KIF6: variants seen among roughly 807,000 people sequenced by gnomAD.
The protein encoded by KIF6 is kinesin family member 6, also known as kinesin-like protein KIF6.
In KIF6, 106 loss-of-function variants were observed where a neutral mutation model predicts 112.7. The ratio of observed to expected loss-of-function variants is 0.94; its 90% CI spans 0.80 to 1.11. KIF6 has a LOEUF of 1.11. Ranked by LOEUF, KIF6 falls within the 50% of genes least tolerant of loss-of-function variation. KIF6 has a pLI of 0.00. For synonymous variants in KIF6, 339 were observed against 339.9 expected, an observed-to-expected ratio of 1.00 and a Z score of 0.03; for missense variants, 929 against 964.0, an observed-to-expected ratio of 0.96 and a Z score of 0.48.
chr6:39,573,460 C>T (rs951639397), intron 10 of KIF6, among the ~76,000 whole-genome samples: 2 of 152,186 alleles, frequency 1.3e-5, no homozygotes, highest in African/African-American at 4.8e-5. Flanking sequence ...AACAATTTAA[C>T]ATAAACAATA....
At chr6:39,443,154 AATAAT>A (rs1562221497) in intron 13 of KIF6, among the ~76,000 whole-genome samples, 4 of 112,970 alleles carry the variant, frequency 3.5e-5, no homozygotes, top group Admixed American at 2.0e-4. Context: ...TAATAATAAT[AATAAT>A]AAATAAAAAT....
At chr6:39,552,064 C>G (rs948952926) in intron 10 of KIF6, among the ~76,000 whole-genome samples, 1 of 152,220 alleles carries the variant, frequency 6.6e-6, no homozygotes, top group African/African-American at 2.4e-5. Context: ...GATCTGCATA[C>G]ACACTAATGT....
chr6:39,409,851 G>T (rs1769355909), intron 15 of KIF6, among the ~76,000 whole-genome samples: 2 of 152,186 alleles, frequency 1.3e-5, no homozygotes, highest in East Asian at 1.9e-4. Flanking sequence ...CAAACCTTCT[G>T]CTATTTGCAG....
intron 7 of KIF6, among the ~76,000 whole-genome samples, chr6:39,594,821 T>G (rs1425817299): frequency 6.6e-6 from 1 of 152,210 alleles, no homozygotes; most frequent in African/African-American, 2.4e-5. Flanking sequence ...CTCCAATTTT[T>G]GATCATGTTT....
At chr6:39,546,128 T>G (rs770965684) in intron 10 of KIF6, among the ~76,000 whole-genome samples, 1 of 152,196 alleles carries the variant, frequency 6.6e-6, no homozygotes, top group Non-Finnish European at 1.5e-5. Context: ...TTCTTCACAG[T>G]GCCTATTCCA....
intron 20 of KIF6, among the ~76,000 whole-genome samples, chr6:39,346,096 T>C (rs1581632168): frequency 5.1e-3 from 27 of 5,340 alleles, no homozygotes; most frequent in East Asian, 0.018. Context: ...CCCCCCCCTC[T>C]CCCTCCCCCC....
At chr6:39,577,782 T>C (rs1472449894) in intron 10 of KIF6, among the ~76,000 whole-genome samples, 3 of 152,234 alleles carry the variant, frequency 2.0e-5, no homozygotes, top group Admixed American at 1.3e-4. Context: ...ATGACTATTA[T>C]ACAATTCCTT....
intron 7 of KIF6, among the ~76,000 whole-genome samples, chr6:39,590,233 G>T (rs1781858224): frequency 6.6e-6 from 1 of 152,028 alleles, no homozygotes; most frequent in South Asian, 2.1e-4. Context: ...AGACAGTGTG[G>T]CATTATTGCT....
At chr6:39,347,570 C>T (rs1279000704) in intron 19 of KIF6, among the ~76,000 whole-genome samples, 1 of 152,228 alleles carries the variant, frequency 6.6e-6, no homozygotes, top group Non-Finnish European at 1.5e-5. Context: ...AGATCTTCCT[C>T]GCTTCCTGCC....
rs972906360 is a variant in KIF6 at position 39,620,549 on chromosome 6, T to A, written c.510-7231A>T. ...TATTTTCATTTTAACATTCAGTTTA[T>A]TATTTTTCCAACTATAAGCATAATA... On this transcript the variant is annotated intron_variant, in intron 5 of 22. Transcript: ENST00000287152. The A allele has an allele frequency of 3.3e-5, 5 of 152,176 alleles. 1 individual carries two copies. The highest frequency in any genetic ancestry group is 6.5e-5 in the Admixed American group (1 of 15,278). The allele number at this position is 152,176 out of a possible 1,614,324, so 9.4% of individuals were successfully genotyped here.
intron 18 of KIF6, among the ~76,000 whole-genome samples, chr6:39,359,120 T>C (rs1460764036): frequency 1.3e-5 from 2 of 152,242 alleles, no homozygotes; most frequent in Admixed American, 1.3e-4. Flanking sequence ...ATTGCTTGGC[T>C]ATGTCCTTGG....
At position 39,573,765 on chromosome 6, in the gene KIF6, G is replaced by A. The variant is rs150926603; in HGVS notation, c.1181+4291C>T. On this transcript the variant is annotated intron_variant, in intron 10 of 22. Transcript: ENST00000287152. ...TAATTATTGATATCTCTGCATTCTCGTTGTATTTTGTTTATATCTTCTCAT... is the reference window on the plus strand; with the variant it reads ...TAATTATTGATATCTCTGCATTCTCATTGTATTTTGTTTATATCTTCTCAT... Among the ~76,000 whole-genome samples the A allele has an allele frequency of 3.3e-3, 495 of 152,170 alleles. 2 individuals carry two copies. The highest frequency in any genetic ancestry group is 0.011 in the African/African-American group (449 of 41,520).
intron 3 of KIF6, among the ~76,000 whole-genome samples, chr6:39,666,540 T>C (rs754252485): frequency 2.0e-5 from 3 of 152,208 alleles, no homozygotes; most frequent in Non-Finnish European, 4.4e-5. Flanking sequence ...ACGTAAGAAC[T>C]CTATCTTCTT....
intron 13 of KIF6, among the ~76,000 whole-genome samples, chr6:39,453,271 G>A (rs867873185): frequency 2.6e-5 from 4 of 152,154 alleles, no homozygotes; most frequent in South Asian, 2.1e-4. Context: ...TTTATTCTCC[G>A]ATGTCTGGGG....
chr6:39,465,142 G>T (rs140100098), intron 13 of KIF6, among the ~76,000 whole-genome samples: 1 of 152,128 alleles, frequency 6.6e-6, no homozygotes, highest in African/African-American at 2.4e-5. Context: ...TTCGGTAGGC[G>T]GGCGGGGATA....
At chr6:39,572,605 G>A (rs568837112) in intron 10 of KIF6, among the ~76,000 whole-genome samples, 92 of 149,524 alleles carry the variant, frequency 6.2e-4, no homozygotes, top group African/African-American at 2.1e-3. Context: ...TATTTGACTC[G>A]CTTAGATTTG....
At chr6:39,337,155 T>TTTTCCTTCCTTCCTTCCTTCCTTTC (rs1554195029) in intron 22 of KIF6, among the ~76,000 whole-genome samples, 1 of 53,674 alleles carries the variant, frequency 1.9e-5, no homozygotes, top group South Asian at 4.7e-4. Context: ...TTTCTCTTTC[T>TTTTCCTTCCTTCCTTCCTTCCTTTC]TTTCTTTCTT....
At chr6:39,498,627 G>T (rs760426014) in intron 13 of KIF6, among the ~76,000 whole-genome samples, 2 of 152,150 alleles carry the variant, frequency 1.3e-5, no homozygotes, top group African/African-American at 2.4e-5. Context: ...AAACAAGTAA[G>T]TATGACTGTG....
intron 3 of KIF6, among the ~76,000 whole-genome samples, chr6:39,697,262 T>G (rs1788597810): frequency 6.6e-6 from 1 of 152,036 alleles, no homozygotes; most frequent in Admixed American, 6.6e-5. Flanking sequence ...CTAGTGACAG[T>G]GATTGGTCTG....
Sources: gnomAD v4.1 joint callset for allele counts (sites outside exome capture counted in the v4.1 genomes callset) on GRCh38, gnomAD v4.1.1 for gene constraint, MANE v1.5 for transcripts, NCBI Gene and HGNC (gene_info 2026-07-23, HGNC 2026-07-21) for gene names.